SALL2: variants seen among roughly 807,000 people sequenced by gnomAD.
SALL2 encodes sal-like protein 2.
A neutral mutation model predicts 58.5 loss-of-function variants in SALL2; 32 were observed. The observed-to-expected ratio is 0.55, with a 90% CI of 0.41 to 0.74. SALL2 has a LOEUF of 0.74. Among genes scored for constraint, SALL2 ranks in the 30% least tolerant of loss-of-function variants. The pLI, the probability that SALL2 is intolerant of heterozygous loss-of-function variation, is 0.00. For synonymous variants in SALL2, 516 were observed against 513.6 expected, an observed-to-expected ratio of 1.00 and a Z score of -0.06; for missense variants, 1,201 against 1,268.9, an observed-to-expected ratio of 0.95 and a Z score of 0.81.
Position 21,522,925 on chromosome 14 carries a change from T to TG in SALL2, c.2796dup (p.Lys933GlnfsTer17). 1 of 1,613,828 alleles carries TG rather than the reference T, an allele frequency of 6.2e-7. No homozygotes were observed. Among genetic ancestry groups the TG allele is most frequent in the Non-Finnish European group, 8.5e-7 (1 of 1,179,890 alleles). On this transcript the variant is annotated frameshift_variant, in exon 2 of 2. Transcript: ENST00000537235. LOFTEE classifies it high-confidence loss of function. ...ACACAAGTGAAGAGCGGCCCCTCCT[T>TG]GGGGTGGGTCTTCTGATGCTCCTCC...
intron 1 of SALL2, among the ~76,000 whole-genome samples, chr14:21,535,927 A>C (rs1892585421): frequency 6.6e-6 from 1 of 151,208 alleles, no homozygotes; most frequent in Non-Finnish European, 1.5e-5. Context: ...ACAATCAGGC[A>C]AGTTTTTAAA....
chr14:21,534,211 A>C (rs1314230743), intron 1 of SALL2, among the ~76,000 whole-genome samples: 2 of 152,216 alleles, frequency 1.3e-5, no homozygotes. Flanking sequence ...TTTAGATACG[A>C]TCAAATAGAG....
rs758309797 is a variant in SALL2, at chr14:21,525,404, C to T, written c.318G>A (p.Thr106=). ...TCCTCTCTGGGCCCCAGGTGGGATC[C>T]GTGGGCACGGAGGACCCAGAATCTG... is the stretch of plus-strand genomic sequence containing the variant. ...NPPDSGSSVP[T]DPTWGPERRG... The change falls in exon 2 of 2, where the codon ACG becomes ACA. Residue 106 remains threonine, a synonymous_variant. Coordinates refer to ENST00000537235, the MANE Select transcript of SALL2 (RefSeq NM_001364564.1). This position sits in a 1 kb window ranked among gnomAD's most constrained non-coding sequence, Gnocchi z 4.4. 4 of 1,613,898 alleles carry T rather than the reference C, an allele frequency of 2.5e-6. No individual in the cohort carries two copies. In the African/African-American group the frequency reaches 4.0e-5, roughly 16 times the overall value.
intron 1 of SALL2, chr14:21,536,914 C>G (rs777095208): frequency 6.2e-7 from 1 of 1,614,106 alleles, no homozygotes; most frequent in Non-Finnish European, 8.5e-7. Flanking sequence ...CTGCTTTCGC[C>G]GAGACATTCC....
intron 1 of SALL2, 47 bp downstream of exon 1, chr14:21,526,014 T>TCCCCCA: frequency 3.8e-6 from 4 of 1,041,064 alleles, no homozygotes; most frequent in Non-Finnish European, 5.7e-6. Flanking sequence ...CCCCTGCGCA[T>TCCCCCA]CCCCCTCCGC....
In SALL2 at chr14:21,526,144, G is replaced by C; in HGVS notation, c.-17C>G. The C allele has an allele frequency of 6.5e-7, 1 of 1,540,058 alleles. No homozygotes were observed. The highest frequency in any genetic ancestry group is 1.9e-5 in the Admixed American group (1 of 51,464). ...GTGCGCCATGGTTGTGGGGGAAGTG[G>C]AGGGCCAGGTGGGGTGGGAGACAAT... On this transcript the variant is annotated 5_prime_UTR_variant, in exon 1 of 2. Transcript: ENST00000537235.
rs984107148 is a variant in SALL2 at position 21,522,832 on chromosome 14, C to T, written c.2890G>A (p.Val964Ile). The T allele has an allele frequency of 1.9e-5, 31 of 1,610,210 alleles. No individual in the cohort carries two copies. The highest frequency in any genetic ancestry group is 4.0e-5 in the African/African-American group (3 of 74,748). The change falls in exon 2 of 2, where the codon GTA (valine) becomes ATA (isoleucine). Residue 964 changes from valine (V) to isoleucine (I), a missense_variant. By Grantham distance (29) the Val-to-Ile change is conservative. Around this residue, in one of 3 missense-constraint regions of SALL2, gnomAD observed 675 missense variants for 683.8 expected, o/e 0.99. Transcript: ENST00000537235. ...KKHMLLAHHQ[V>I]QPFAPHGPQN... is the part of the protein sequence containing the mutation. Reference sequence around the variant, plus strand: ...GGGCCATGGGGGGCAAAGGGCTGTACCTGGTGGTGTGCCAGGAGCATATGC... The same window carrying T: ...GGGCCATGGGGGGCAAAGGGCTGTATCTGGTGGTGTGCCAGGAGCATATGC...
intron 1 of SALL2, among the ~76,000 whole-genome samples, chr14:21,532,116 T>C (rs1055182923): frequency 2.0e-5 from 3 of 152,158 alleles, no homozygotes; most frequent in African/African-American, 7.2e-5. Flanking sequence ...TTTGTAAACA[T>C]TATGCTTTCA....
upstream of SALL2, among the ~76,000 whole-genome samples, chr14:21,527,525 T>A (rs1892353768): frequency 6.6e-6 from 1 of 152,190 alleles, no homozygotes; most frequent in Admixed American, 6.5e-5. Context: ...ATTGTTTTAA[T>A]CCCAGTTCTA....
chr14:21,522,714 G>C lies in SALL2; in HGVS notation c.3008C>G (p.Thr1003Arg). The C allele has an allele frequency of 6.6e-7, 1 of 1,524,772 alleles. No homozygotes were observed. The highest frequency in any genetic ancestry group is 8.8e-7 in the Non-Finnish European group (1 of 1,138,148). The allele number at this position is 1,524,772 out of a possible 1,614,324, so 94.5% of individuals were successfully genotyped here. A position where few individuals can be genotyped will look rare whatever the true frequency, so the allele number is the denominator to read the frequency against. The change falls in exon 2 of 2, where the codon ACG (threonine) becomes AGG (arginine). Residue 1003 changes from threonine to arginine, a missense_variant. Coordinates refer to ENST00000537235, the MANE Select transcript of SALL2 (RefSeq NM_001364564.1). ...TACAGAAAAACAGGCTCATGGGATCGTGGGGTCATCTTTTCGGGGAAAGGG... is the reference window on the plus strand; with the variant it reads ...TACAGAAAAACAGGCTCATGGGATCCTGGGGTCATCTTTTCGGGGAAAGGG... The part of the protein sequence containing the change: ...LSPFPRKDDP[T>R]IP
intron 1 of SALL2, among the ~76,000 whole-genome samples, chr14:21,534,514 T>C (rs756664694): frequency 4.6e-5 from 7 of 152,122 alleles, no homozygotes; most frequent in South Asian, 2.1e-4. Context: ...CTTAAAGGGC[T>C]TGAAAATCCA....
At position 21,531,423 on chromosome 14, in the gene SALL2, T is replaced by G. The variant is rs184412387; in HGVS notation, c.-114+5539A>C. On this transcript the variant is annotated intron_variant, in intron 1 of 1. Coordinates refer to the SALL2 transcript ENST00000541965. ...CAGAGTTTGTTTTCTTATTTTTTTT[T>G]GGGACAGAGTTTCACTCTTGTTGCC... is the stretch of plus-strand genomic sequence containing the variant. 8.1e-3 allele frequency among the ~76,000 whole-genome samples: 1,230 copies of G among 152,284 alleles called. 16 individuals are homozygous for G. Among genetic ancestry groups the G allele is most frequent in the African/African-American group, 0.028 (1,161 of 41,548 alleles).
chr14:21,525,116 G>A lies in SALL2; in HGVS notation c.606C>T (p.Cys202=). 1.2e-6 allele frequency: 2 copies of A among 1,614,118 alleles called. No individual in the cohort carries two copies. The highest frequency in any genetic ancestry group is 1.1e-5 in the South Asian group (1 of 91,090). The change falls in exon 2 of 2, where the codon TGC becomes TGT. Residue 202 remains cysteine, a synonymous_variant. Transcript: ENST00000537235. The surrounding 1 kb of genome is among the most constrained non-coding windows in gnomAD (Gnocchi z 4.4). ...IHQMQMTEQI[C]RQVLLLGSLG... ...AGGAGCCAAGCAACAGCACCTGCCTGCAGATTTGCTCAGTCATCTGCATCT... is the reference window on the plus strand; with the variant it reads ...AGGAGCCAAGCAACAGCACCTGCCTACAGATTTGCTCAGTCATCTGCATCT...
In SALL2 at chr14:21,525,856, A is replaced by T. The variant is rs1431230388; in HGVS notation, c.68-202T>A. Among the ~76,000 whole-genome samples the T allele has an allele frequency of 1.2e-4, 1 of 8,190 alleles. No individual in the cohort carries two copies. Among genetic ancestry groups the T allele is most frequent in the Non-Finnish European group, 2.6e-4 (1 of 3,806 alleles). The allele number at this position is 8,190 out of a possible 152,430, so 5.4% of individuals were successfully genotyped here. On this transcript the variant is annotated intron_variant, in intron 1 of 1. Coordinates refer to ENST00000537235, the MANE Select transcript of SALL2 (RefSeq NM_001364564.1). This position sits in a 1 kb window ranked among gnomAD's most constrained non-coding sequence, Gnocchi z 4.4. ...GCATGGGGCAGGGGGGTGGGGAGGG[A>T]GGAGGGGAGGGGGGCAAGAGCATGC...
intron 1 of SALL2, 39 bp downstream of exon 1, chr14:21,526,022 C>CCCCCCCCCCCCCCCCCCCCCCCCCCAA: frequency 7.3e-7 from 1 of 1,375,044 alleles, no homozygotes; most frequent in Non-Finnish European, 1.0e-6. Flanking sequence ...CATCCCCCTC[C>CCCCCCCCCCCCCCCCCCCCCCCCCCAA]GCCCCCACCC....
chr14:21,523,435 C>A lies in SALL2; in HGVS notation c.2287G>T (p.Glu763Ter). ...TCTTCCTCATCCTCCTCTTCCTCCT[C>A]CTCAGACAACTCCTCTTCCGGTGAT... The part of the protein sequence containing the change: ...QPSPEEELSE[E>*]EEEEDEEEEE... The change falls in exon 2 of 2, where the codon GAG becomes TAG. Residue 763 changes from glutamate (E) to a stop codon, truncating the protein, a stop_gained. Transcript: ENST00000537235. LOFTEE classifies it high-confidence loss of function. The surrounding 1 kb of genome is among the most constrained non-coding windows in gnomAD (Gnocchi z 4.4). 1 of 1,613,964 alleles carries A rather than the reference C, an allele frequency of 6.2e-7. No homozygotes were observed. Among genetic ancestry groups the A allele is most frequent in the African/African-American group, 1.3e-5 (1 of 75,058 alleles).
Position 21,522,660 on chromosome 14 carries a change from T to C in SALL2, c.*44A>G. On this transcript the variant is annotated 3_prime_UTR_variant, in exon 2 of 2. Transcript: ENST00000537235. ...CTGGGAGGTCCTTTTGTGAAGCTGT[T>C]TCTGCTCTGTGGGACAAAGAGCAGC... The C allele has an allele frequency of 6.6e-7, 1 of 1,506,064 alleles. No homozygotes were observed. The highest frequency in any genetic ancestry group is 8.9e-7 in the Non-Finnish European group (1 of 1,128,842). The allele number at this position is 1,506,064 out of a possible 1,614,324, so 93.3% of individuals were successfully genotyped here.
Position 21,523,586 on chromosome 14 carries a change from C to G in SALL2, c.2136G>C (p.Leu712=). 6.2e-7 allele frequency: 1 copy of G among 1,614,244 alleles called. No individual in the cohort carries two copies. The highest frequency in any genetic ancestry group is 8.5e-7 in the Non-Finnish European group (1 of 1,180,050). Residue 712 remains leucine (L), a synonymous_variant, in exon 2 of 2, where the codon CTG becomes CTC. Transcript: ENST00000537235. This position sits in a 1 kb window ranked among gnomAD's most constrained non-coding sequence, Gnocchi z 4.4. ...VTLQQHVRMH[L]GGQIPNGGTA... The stretch of plus-strand genomic sequence containing the variant: ...TACCACCGTTGGGGATCTGGCCCCC[C>G]AGGTGCATCCGGACATGCTGCTGCA...
chr14:21,525,977 T>C lies in SALL2; in HGVS notation c.67+84A>G, dbSNP rs1892286581. The C allele has an allele frequency of 1.6e-6, 2 of 1,260,578 alleles. No homozygotes were observed. Among genetic ancestry groups the C allele is most frequent in the East Asian group, 5.0e-5 (2 of 39,638 alleles). 78.1% of individuals were successfully genotyped at this position (1,260,578 alleles called of 1,614,324 possible). On this transcript the variant is annotated intron_variant, in intron 1 of 1. Coordinates refer to ENST00000537235, the MANE Select transcript of SALL2 (RefSeq NM_001364564.1). This position sits in a 1 kb window ranked among gnomAD's most constrained non-coding sequence, Gnocchi z 4.4. ...GGCCTACGCAGAGAATCATGCATTT[T>C]CTCCCACCCACCGAAAGTCTTCGCC...
Sources: allele counts gnomAD v4.1 joint callset (sites outside exome capture counted in the v4.1 genomes callset), GRCh38; gene constraint gnomAD v4.1.1; regional missense constraint gnomAD v4.1.1; non-coding constraint Gnocchi (gnomAD v3.1); transcripts MANE v1.5; gene names NCBI Gene and HGNC (gene_info 2026-07-23, HGNC 2026-07-21).